The following NAV3 variants were observed in gnomAD, a reference collection of about 807,000 sequenced individuals.
NAV3 encodes pore membrane and/or filament interacting like protein 1.
A neutral mutation model predicts 244.7 loss-of-function variants in NAV3; 87 were observed. The observed-to-expected ratio is 0.36, with a 90% CI of 0.30 to 0.42. The LOEUF (loss-of-function observed/expected upper bound fraction) is 0.42, where lower values mean the gene tolerates loss of function less well. NAV3 is among the 20% of genes least tolerant of loss of function. The pLI is 1.00. For synonymous variants in NAV3, 1,126 were observed against 1,042.2 expected (o/e 1.08, Z -1.55); for missense variants, 2,663 against 2,893.3 (o/e 0.92, Z 1.83).
At chr12:78,111,403 C>A (rs1233620803) in intron 12 of NAV3, among the ~76,000 whole-genome samples, 1 of 151,912 alleles carries the variant, frequency 6.6e-6, no homozygotes, top group Admixed American at 6.6e-5. Flanking sequence ...ATTAGAAAAA[C>A]TATCAAAACT....
At chr12:77,775,120 G>A (rs564089087) in intron 2 of NAV3, among the ~76,000 whole-genome samples, 26 of 152,050 alleles carry the variant, frequency 1.7e-4, no homozygotes, top group Non-Finnish European at 3.7e-4. Context: ...GGCTGGGTGC[G>A]GTGGCTCATA....
At chr12:77,791,077 C>T (rs1405078850) in intron 2 of NAV3, among the ~76,000 whole-genome samples, 3 of 152,100 alleles carry the variant, frequency 2.0e-5, no homozygotes, top group Admixed American at 6.6e-5. Flanking sequence ...TCCATTTGGC[C>T]GGGCGCGGTG....
intron 2 of NAV3, among the ~76,000 whole-genome samples, chr12:77,766,992 G>C (rs1251263181): frequency 3.9e-5 from 6 of 152,068 alleles, no homozygotes; most frequent in Admixed American, 2.0e-4. Context: ...GACCTCAGGT[G>C]ATCAGCCCGC....
rs1020332221 is a variant in NAV3 at position 78,185,382 on chromosome 12, G to A, written c.5693-219G>A. Among the ~76,000 whole-genome samples the A allele has an allele frequency of 2.0e-5, 3 of 151,762 alleles. No individual in the cohort carries two copies. The Admixed American group carries it at 2.0e-4, about 10-fold the overall frequency. On this transcript the variant is annotated intron_variant, in intron 30 of 39. Transcript: ENST00000397909. ...TCAGTGAGTGGCCCAACACTTGAGTGAAGATCTTTGCAAGCAGAAATAAAT... is the reference window on the plus strand; with the variant it reads ...TCAGTGAGTGGCCCAACACTTGAGTAAAGATCTTTGCAAGCAGAAATAAAT...
intron 12 of NAV3, among the ~76,000 whole-genome samples, chr12:78,082,788 C>T (rs757583413): frequency 8.5e-5 from 13 of 152,142 alleles, no homozygotes; most frequent in Non-Finnish European, 1.6e-4. Context: ...AATTCATAAT[C>T]CACTGTTGGC....
intron 2 of NAV3, among the ~76,000 whole-genome samples, chr12:77,714,844 A>G (rs78399944): frequency 0.031 from 4,706 of 152,268 alleles, 160 homozygotes; most frequent in Middle Eastern, 0.037. Context: ...AAAAAAGTAC[A>G]TAAGTATTAT....
At chr12:77,893,587 C>G (rs1175805099) in intron 1 of NAV3, among the ~76,000 whole-genome samples, 1 of 148,094 alleles carries the variant, frequency 6.8e-6, no homozygotes, top group South Asian at 2.1e-4. Flanking sequence ...GATAGCCAAA[C>G]TAAAAAAAAA....
chr12:77,622,680 C>T (rs1438992281), intron 2 of NAV3, among the ~76,000 whole-genome samples: 22 of 151,756 alleles, frequency 1.4e-4, no homozygotes, highest in Admixed American at 1.4e-3. Flanking sequence ...TATCATAATT[C>T]CCGGTTTTGA....
At chr12:77,610,052 C>T (rs1205476698) in intron 2 of NAV3, among the ~76,000 whole-genome samples, 1 of 151,998 alleles carries the variant, frequency 6.6e-6, no homozygotes, top group Non-Finnish European at 1.5e-5. Flanking sequence ...ATATTTTACT[C>T]ATGGCCTTAC....
chr12:78,098,108 A>G (rs1284033472), intron 12 of NAV3, among the ~76,000 whole-genome samples: 1 of 152,142 alleles, frequency 6.6e-6, no homozygotes, highest in African/African-American at 2.4e-5. Flanking sequence ...GTAGCATCTT[A>G]CTGATTTCTA....
chr12:77,835,391 T>C (rs189693265), intron 1 of NAV3, among the ~76,000 whole-genome samples: 40 of 152,298 alleles, frequency 2.6e-4, no homozygotes, highest in Middle Eastern at 3.4e-3. Context: ...TGGGGTACTC[T>C]GCTAGTCCTT....
intron 12 of NAV3, among the ~76,000 whole-genome samples, chr12:78,072,324 A>G: frequency 7.1e-6 from 1 of 139,878 alleles, no homozygotes; most frequent in African/African-American, 2.7e-5. Context: ...GAAGAATCAA[A>G]TAGACACAAT....
chr12:78,169,906 C>A (rs1957934268), intron 24 of NAV3, among the ~76,000 whole-genome samples: 1 of 151,690 alleles, frequency 6.6e-6, no homozygotes, highest in African/African-American at 2.4e-5. Flanking sequence ...CTTGGTTTTT[C>A]TTCTGTTCCT....
At chr12:77,715,251 A>G (rs1283262242) in intron 2 of NAV3, among the ~76,000 whole-genome samples, 4 of 152,004 alleles carry the variant, frequency 2.6e-5, no homozygotes, top group Admixed American at 2.6e-4. Flanking sequence ...AACGTTGAAA[A>G]TGACACCTTT....
Position 77,998,494 on chromosome 12 carries a change from CATT to C in NAV3, c.880+21_880+23del, listed in dbSNP as rs758173215. 5 of 1,584,684 alleles carry C rather than the reference CATT, an allele frequency of 3.2e-6. No homozygotes were observed. In the East Asian group the frequency reaches 9.1e-5, roughly 29 times the overall value. On this transcript the variant is annotated intron_variant, in intron 7 of 39. Transcript: ENST00000397909. ...CGAAAAAGGTAAGTGTTTGTTACAT[CATT>C]ATGACACAAGTCCAACATGAGTCTT...
chr12:77,588,668 T>TC (rs1375997279), intron 2 of NAV3, among the ~76,000 whole-genome samples: 8 of 152,140 alleles, frequency 5.3e-5, no homozygotes, highest in Non-Finnish European at 1.2e-4. Flanking sequence ...CTACTGTGTG[T>TC]GTTGAATGAA....
chr12:78,023,373 G>T (rs942977864), intron 9 of NAV3, among the ~76,000 whole-genome samples: 3 of 152,108 alleles, frequency 2.0e-5, no homozygotes, highest in South Asian at 2.1e-4. Flanking sequence ...TTAACATTCT[G>T]ATTTTTAATA....
intron 1 of NAV3, among the ~76,000 whole-genome samples, chr12:77,901,084 G>T (rs530908208): frequency 3.3e-5 from 5 of 151,566 alleles, no homozygotes; most frequent in African/African-American, 1.2e-4. Flanking sequence ...GTTATTTGTT[G>T]TTTGCTTTGA....
At chr12:77,701,752 G>C (rs1875572978) in intron 2 of NAV3, among the ~76,000 whole-genome samples, 1 of 151,762 alleles carries the variant, frequency 6.6e-6, no homozygotes. Flanking sequence ...GGTTGTTTTA[G>C]TAGCATGTTC....
Sources: allele counts gnomAD v4.1 joint callset (sites outside exome capture counted in the v4.1 genomes callset), GRCh38; gene constraint gnomAD v4.1.1; transcripts MANE v1.5; gene names NCBI Gene and HGNC (gene_info 2026-07-23, HGNC 2026-07-21).